PCDHGA10: variants seen among roughly 807,000 people sequenced by gnomAD.
PCDHGA10 encodes protocadherin gamma subfamily A, 10.
A neutral mutation model predicts 59.5 loss-of-function variants in PCDHGA10; 42 were observed. That is an observed-to-expected ratio of 0.71 (90% CI 0.55 to 0.91). The LOEUF (loss-of-function observed/expected upper bound fraction) is 0.91. Among genes scored for constraint, PCDHGA10 ranks in the 40% least tolerant of loss-of-function variants. The pLI, the probability that PCDHGA10 is intolerant of heterozygous loss-of-function variation, is 0.00. For missense variants in PCDHGA10, 1,111 were observed against 1,198.2 expected, an observed-to-expected ratio of 0.93 and a Z score of 1.07; for synonymous variants, 511 against 517.2, an observed-to-expected ratio of 0.99 and a Z score of 0.16.
chr5:141,466,975 A>G (rs769024064), intron 1 of PCDHGA10, among the ~76,000 whole-genome samples: 1 of 151,842 alleles, frequency 6.6e-6, no homozygotes, highest in Non-Finnish European at 1.5e-5. Flanking sequence ...CTCACAGCTC[A>G]TCATTTACCT....
intron 1 of PCDHGA10, chr5:141,415,851 T>A: frequency 8.1e-7 from 1 of 1,228,614 alleles, no homozygotes; most frequent in Non-Finnish European, 1.1e-6. Flanking sequence ...TTGCAGAACC[T>A]TGTAGTTTAT....
intron 1 of PCDHGA10, among the ~76,000 whole-genome samples, chr5:141,447,413 C>T (rs1279399546): frequency 6.6e-6 from 1 of 152,204 alleles, no homozygotes; most frequent in Non-Finnish European, 1.5e-5. Flanking sequence ...GCTGGGATTA[C>T]AGGCGTGAGC....
At position 141,491,623 on chromosome 5, in the gene PCDHGA10, G is replaced by A. The variant is rs767724749; in HGVS notation, c.2437-3184G>A. The A allele has an allele frequency of 3.7e-6, 6 of 1,613,812 alleles. No homozygotes were observed. The highest frequency in any genetic ancestry group is 2.7e-5 in the African/African-American group (2 of 74,938). On this transcript the variant is annotated intron_variant, in intron 1 of 3. Transcript: ENST00000398610. This position sits in a 1 kb window ranked among gnomAD's most constrained non-coding sequence, Gnocchi z 6.9. ...CTTCACTTTTCTAAGACCCCTCAGC[G>A]TTCAGCAGCCCACAGCTCTGGCGCT...
chr5:141,418,282 A>T (rs1209026046), intron 1 of PCDHGA10: 2 of 1,614,030 alleles, frequency 1.2e-6, no homozygotes, highest in Non-Finnish European at 1.7e-6. Flanking sequence ...TAAACTTAGA[A>T]ATCAGTGAAT....
intron 1 of PCDHGA10, chr5:141,421,969 T>C (rs1039340340): frequency 1.2e-6 from 2 of 1,611,188 alleles, no homozygotes; most frequent in Admixed American, 1.7e-5. Flanking sequence ...ACAGTCCGTA[T>C]ATCGCGTGAG....
At position 141,431,106 on chromosome 5, in the gene PCDHGA10, T is replaced by C. The variant is rs566174531; in HGVS notation, c.2436+15495T>C. 25 of 1,614,108 alleles carry C rather than the reference T, an allele frequency of 1.5e-5. No homozygotes were observed. In the South Asian group the frequency reaches 2.7e-4, roughly 18 times the overall value. On this transcript the variant is annotated intron_variant, in intron 1 of 3. Transcript: ENST00000398610. This position sits in a 1 kb window ranked among gnomAD's most constrained non-coding sequence, Gnocchi z 4.8. ...ATTCTGATGGAGGATAAAGTGAAAA[T>C]ATATGGAGTAGAAGTAGAAGTAAGG...
At chr5:141,497,904 A>G (rs939422338) in intron 2 of PCDHGA10, among the ~76,000 whole-genome samples, 2 of 152,136 alleles carry the variant, frequency 1.3e-5, no homozygotes, top group African/African-American at 2.4e-5. Context: ...AGTAACTTCA[A>G]CTTCTCTCCT....
chr5:141,419,119 C>T lies in PCDHGA10; in HGVS notation c.2436+3508C>T. 2.5e-6 allele frequency: 4 copies of T among 1,613,896 alleles called. No individual in the cohort carries two copies. The South Asian group carries it at 3.3e-5, about 13-fold the overall frequency. Reference sequence around the variant, plus strand: ...GGGAGCAGACCCCAGAGTACAACGTCACCATCGCAGCCACAGACAGGGGCA... The same window carrying T: ...GGGAGCAGACCCCAGAGTACAACGTTACCATCGCAGCCACAGACAGGGGCA... On this transcript the variant is annotated intron_variant, in intron 1 of 3. Coordinates refer to ENST00000398610, the MANE Select transcript of PCDHGA10 (RefSeq NM_018913.3).
In PCDHGA10 at chr5:141,491,770, G is replaced by A; in HGVS notation, c.2437-3037G>A. 6.4e-7 allele frequency: 1 copy of A among 1,560,888 alleles called. No individual in the cohort carries two copies. Among genetic ancestry groups the A allele is most frequent in the Non-Finnish European group, 8.7e-7 (1 of 1,154,942 alleles). On this transcript the variant is annotated intron_variant, in intron 1 of 3. Coordinates refer to ENST00000398610, the MANE Select transcript of PCDHGA10 (RefSeq NM_018913.3). This position sits in a 1 kb window ranked among gnomAD's most constrained non-coding sequence, Gnocchi z 6.9. ...TGGAGAAGCCGCCCGTCCTCATAAG[G>A]GATTGAACTTGCATCCACTCCTCTC...
Position 141,487,506 on chromosome 5 carries a change from C to T in PCDHGA10, c.2437-7301C>T. 1 of 1,614,220 alleles carries T rather than the reference C, an allele frequency of 6.2e-7. No homozygotes were observed. The highest frequency in any genetic ancestry group is 8.5e-7 in the Non-Finnish European group (1 of 1,180,046). On this transcript the variant is annotated intron_variant, in intron 1 of 3. Coordinates refer to ENST00000398610, the MANE Select transcript of PCDHGA10 (RefSeq NM_018913.3). The surrounding 1 kb of genome is among the most constrained non-coding windows in gnomAD (Gnocchi z 5.0). ...CATGGCTGTACACCCTTGGCTTCTG[C>T]ACCCACTCGGAGTGATAGCTTCATG...
intron 1 of PCDHGA10, among the ~76,000 whole-genome samples, chr5:141,461,433 C>A (rs183800312): frequency 1.3e-5 from 2 of 151,970 alleles, no homozygotes; most frequent in Non-Finnish European, 1.5e-5. Context: ...CATTTGTATA[C>A]CTTCTTTTGA....
At chr5:141,495,910 A>C (rs2154591812) in intron 2 of PCDHGA10, among the ~76,000 whole-genome samples, 1 of 151,278 alleles carries the variant, frequency 6.6e-6, no homozygotes, top group East Asian at 1.9e-4. Flanking sequence ...GTCTCTGTAT[A>C]TCTTTCTTTG....
At chr5:141,438,741 A>T (rs1184994731) in intron 1 of PCDHGA10, among the ~76,000 whole-genome samples, 3 of 148,914 alleles carry the variant, frequency 2.0e-5, no homozygotes, top group South Asian at 2.1e-4. Context: ...AGCTCACTGC[A>T]ACCTCTGCCT....
intron 1 of PCDHGA10, chr5:141,433,239 G>A: frequency 1.3e-6 from 2 of 1,494,126 alleles, no homozygotes; most frequent in Non-Finnish European, 1.8e-6. Context: ...TGTCTCCCAA[G>A]CTGGAATGCA....
intron 1 of PCDHGA10, chr5:141,441,726 C>A: frequency 2.8e-6 from 1 of 353,524 alleles, no homozygotes; most frequent in Non-Finnish European, 5.6e-6. Flanking sequence ...GGCCCGCGAC[C>A]AGGACTAGCT....
Position 141,432,098 on chromosome 5 carries a change from G to A in PCDHGA10, c.2436+16487G>A. 1.2e-6 allele frequency: 2 copies of A among 1,614,056 alleles called. No homozygotes were observed. Among genetic ancestry groups the A allele is most frequent in the Non-Finnish European group, 1.7e-6 (2 of 1,180,002 alleles). ...CTCGCTGAACGTGGCAGACACCAAC[G>A]ACAACCCGCCGGTCTTCCCTCAGGC... On this transcript the variant is annotated intron_variant, in intron 1 of 3. Transcript: ENST00000398610. The surrounding 1 kb of genome is among the most constrained non-coding windows in gnomAD (Gnocchi z 6.0).
At chr5:141,435,172 T>G (rs1406204282) in intron 1 of PCDHGA10, among the ~76,000 whole-genome samples, 1 of 152,198 alleles carries the variant, frequency 6.6e-6, no homozygotes, top group Non-Finnish European at 1.5e-5. Context: ...GAGTGGCTTT[T>G]AACTACACTT....
intron 1 of PCDHGA10, among the ~76,000 whole-genome samples, chr5:141,429,629 C>G (rs2097230011): frequency 1.3e-5 from 2 of 152,160 alleles, no homozygotes; most frequent in Admixed American, 1.3e-4. Flanking sequence ...TATTTTCTCA[C>G]AGCTACCTAT....
chr5:141,504,949 G>A (rs1234166109), intron 2 of PCDHGA10, among the ~76,000 whole-genome samples: 5 of 152,098 alleles, frequency 3.3e-5, no homozygotes, highest in Non-Finnish European at 1.5e-5. Context: ...AATGCACTAT[G>A]TTCAATGCAT....
Sources: allele counts gnomAD v4.1 joint callset (sites outside exome capture counted in the v4.1 genomes callset), GRCh38; gene constraint gnomAD v4.1.1; non-coding constraint Gnocchi (gnomAD v3.1); transcripts MANE v1.5; gene names NCBI Gene and HGNC (gene_info 2026-07-23, HGNC 2026-07-21).